DENND1B: variants seen among roughly 807,000 people sequenced by gnomAD.
DENND1B encodes DENN domain containing 1B.
DENND1B carries 59 observed loss-of-function variants against 90.1 expected under a neutral mutation model. The ratio of observed to expected loss-of-function variants is 0.65; its 90% confidence interval spans 0.53 to 0.81. DENND1B has a LOEUF of 0.81. Among genes scored for constraint, DENND1B ranks in the 40% least tolerant of loss-of-function variants. DENND1B has a pLI of 0.00. For synonymous variants in DENND1B, 337 were observed against 324.6 expected, an observed-to-expected ratio of 1.04 and a Z score of -0.41; for missense variants, 862 against 912.6, an observed-to-expected ratio of 0.94 and a Z score of 0.71.
intron 20 of DENND1B, among the ~76,000 whole-genome samples, chr1:197,515,487 T>C (rs753415028): frequency 6.6e-6 from 1 of 151,800 alleles, no homozygotes; most frequent in Non-Finnish European, 1.5e-5. Context: ...AGTATTACAC[T>C]GAGCTCTGTA....
chr1:197,576,229 A>G (rs1198635179), intron 15 of DENND1B, among the ~76,000 whole-genome samples: 1 of 152,238 alleles, frequency 6.6e-6, no homozygotes, highest in Non-Finnish European at 1.5e-5. Context: ...CATAGACAAA[A>G]CCTGACATTG....
chr1:197,547,620 A>T (rs1052515010), intron 16 of DENND1B, among the ~76,000 whole-genome samples: 1 of 152,192 alleles, frequency 6.6e-6, no homozygotes, highest in Non-Finnish European at 1.5e-5. Flanking sequence ...ATGAAGACAA[A>T]TTTTTTTTCT....
At chr1:197,685,883 A>C (rs1307840368) in intron 3 of DENND1B, 1 of 152,204 alleles carries the variant, frequency 6.6e-6, no homozygotes. Context: ...TGGAATAAAA[A>C]TTTAGTTCAC....
At chr1:197,780,419 G>A (rs1657397520), upstream of DENND1B, among the ~76,000 whole-genome samples, 2 of 150,650 alleles carry the variant, frequency 1.3e-5, no homozygotes, top group Admixed American at 1.3e-4. Flanking sequence ...TCCACCTCCT[G>A]GGTTCAAGCA....
intron 7 of DENND1B, among the ~76,000 whole-genome samples, 190 bp from the exon 8 acceptor site, chr1:197,647,304 A>G (rs1680807435): frequency 6.6e-6 from 1 of 152,146 alleles, no homozygotes; most frequent in Admixed American, 6.6e-5. Flanking sequence ...TCCTAATGAA[A>G]GTATTTTCAT....
chr1:197,522,707 T>TA (rs897917327), intron 20 of DENND1B, among the ~76,000 whole-genome samples: 1 of 152,112 alleles, frequency 6.6e-6, no homozygotes, highest in Non-Finnish European at 1.5e-5. Flanking sequence ...ATAATCTTTT[T>TA]AAAAAATCAT....
intron 18 of DENND1B, among the ~76,000 whole-genome samples, chr1:197,544,865 G>A (rs1298168813): frequency 1.4e-5 from 2 of 147,072 alleles, no homozygotes; most frequent in Non-Finnish European, 3.0e-5. Flanking sequence ...AGAGGAAGGA[G>A]GAGAAGGAGA....
intron 20 of DENND1B, among the ~76,000 whole-genome samples, chr1:197,534,463 T>C (rs140296125): frequency 2.7e-3 from 405 of 152,314 alleles, no homozygotes; most frequent in African/African-American, 7.0e-3. Context: ...ACTGAAAAGA[T>C]TTGTGGATCT....
chr1:197,695,523 A>T (rs116339351), intron 3 of DENND1B, among the ~76,000 whole-genome samples: 2,538 of 151,170 alleles, frequency 0.017, 73 homozygotes, highest in African/African-American at 0.058. Flanking sequence ...TAAGAAATCA[A>T]TTTGTTTTAG....
chr1:197,651,029 T>A (rs370553248), intron 7 of DENND1B, among the ~76,000 whole-genome samples: 1 of 151,936 alleles, frequency 6.6e-6, no homozygotes, highest in Non-Finnish European at 1.5e-5. Context: ...AATTAAAAAA[T>A]TAATTAATTT....
rs556650322 is a variant in DENND1B at position 197,625,433 on chromosome 1, A to G, written c.673-7674T>C. Among the ~76,000 whole-genome samples, 20 of 151,600 alleles carry G rather than the reference A, an allele frequency of 1.3e-4. No individual in the cohort carries two copies. The South Asian group carries it at 1.9e-3, about 14-fold the overall frequency. ...CAAACTAAGCTTCATAAGTGAAGGA[A>G]AAATAAAATACTTTACAGACAAGCA... On this transcript the variant is annotated intron_variant, in intron 10 of 22. Transcript: ENST00000620048.
rs189211641 is a variant in DENND1B, at chr1:197,526,414, C to G, written c.1516-13461G>C. 5.3e-5 allele frequency among the ~76,000 whole-genome samples: 8 copies of G among 151,936 alleles called. No individual in the cohort carries two copies. The East Asian group carries it at 1.5e-3, about 29-fold the overall frequency. ...AACTGTTGTTAATTTAATCAAGACCCCTTACAAACAAAAAAGGCAACAGGG... is the reference window on the plus strand; with the variant it reads ...AACTGTTGTTAATTTAATCAAGACCGCTTACAAACAAAAAAGGCAACAGGG... On this transcript the variant is annotated intron_variant, in intron 20 of 22. Transcript: ENST00000620048.
At chr1:197,778,718 T>C (rs1657357948), upstream of DENND1B, among the ~76,000 whole-genome samples, 2 of 152,146 alleles carry the variant, frequency 1.3e-5, no homozygotes, top group South Asian at 2.1e-4. Flanking sequence ...TGCTGATAAA[T>C]TTAAATCTAT....
chr1:197,535,790 G>A (rs557187681), intron 20 of DENND1B, among the ~76,000 whole-genome samples: 6 of 152,208 alleles, frequency 3.9e-5, no homozygotes, highest in South Asian at 2.1e-4. Flanking sequence ...TTTATTGAAC[G>A]AAGAATTAAT....
chr1:197,598,972 G>C (rs1675956249), intron 13 of DENND1B, among the ~76,000 whole-genome samples: 1 of 151,738 alleles, frequency 6.6e-6, no homozygotes, highest in Admixed American at 6.6e-5. Context: ...CTTTCAGTGA[G>C]AATTCAGACC....
intron 6 of DENND1B, among the ~76,000 whole-genome samples, chr1:197,652,852 T>C (rs1310982086): frequency 6.6e-6 from 1 of 152,078 alleles, no homozygotes; most frequent in Non-Finnish European, 1.5e-5. Context: ...AAATAAAACA[T>C]ACAACAAATC....
chr1:197,504,813 TTCAA>T lies in DENND1B; in HGVS notation c.*5643_*5646del, dbSNP rs1667654997. ...GTGTTTTATGGTAATGTAGATTTTA[TTCAA>T]TATTTATTTTTGCATATTTTTAAAA... On this transcript the variant is annotated 3_prime_UTR_variant, in exon 23 of 23. Transcript: ENST00000620048. 1 of 151,872 alleles carries T rather than the reference TTCAA, an allele frequency of 6.6e-6. No individual in the cohort carries two copies. Among genetic ancestry groups the T allele is most frequent in the Non-Finnish European group, 1.5e-5 (1 of 67,872 alleles). 9.4% of individuals were successfully genotyped at this position (151,872 alleles called of 1,614,324 possible). A position where few individuals can be genotyped will look rare whatever the true frequency, so the allele number is the denominator to read the frequency against.
At chr1:197,560,446 C>T (rs1358561089) in intron 15 of DENND1B, among the ~76,000 whole-genome samples, 1 of 151,802 alleles carries the variant, frequency 6.6e-6, no homozygotes, top group East Asian at 1.9e-4. Flanking sequence ...ATAAGATAGA[C>T]TTCCTAAGGG....
chr1:197,764,980 C>G (rs1655524743), intron 2 of DENND1B, among the ~76,000 whole-genome samples: 1 of 152,070 alleles, frequency 6.6e-6, no homozygotes, highest in Admixed American at 6.5e-5. Context: ...AGAGGGGATC[C>G]AGGAATTGTA....
Sources: gnomAD v4.1 joint callset for allele counts (sites outside exome capture counted in the v4.1 genomes callset) on GRCh38, gnomAD v4.1.1 for gene constraint, MANE v1.5 for transcripts, NCBI Gene and HGNC (gene_info 2026-07-23, HGNC 2026-07-21) for gene names.